The following TARS3 variants were observed in gnomAD, a reference collection of about 807,000 sequenced individuals.
TARS3 encodes threonine--tRNA ligase 2, cytoplasmic.
Under a neutral mutation model 103.5 loss-of-function variants are expected in TARS3, and 94 were observed. The ratio of observed to expected loss-of-function variants is 0.91; its 90% CI spans 0.77 to 1.08. The LOEUF (loss-of-function observed/expected upper bound fraction) is 1.08. Ranked by LOEUF, TARS3 falls within the 50% of genes least tolerant of loss-of-function variation. The pLI, the probability that TARS3 is intolerant of heterozygous loss-of-function variation, is 0.00. For missense variants in TARS3, 952 were observed against 995.2 expected (o/e 0.96, Z 0.58); for synonymous variants, 416 against 355.4 (o/e 1.17, Z -1.92).
chr15:101,704,984 G>A (rs1467743910), intron 7 of TARS3, among the ~76,000 whole-genome samples: 2 of 152,184 alleles, frequency 1.3e-5, no homozygotes, highest in East Asian at 3.9e-4. Context: ...GAGAATATCT[G>A]TGGTTATAAT....
chr15:101,721,377 C>T lies in TARS3; in HGVS notation c.370-55G>A. 5 of 1,388,618 alleles carry T rather than the reference C, an allele frequency of 3.6e-6. No homozygotes were observed. In the South Asian group the frequency reaches 6.5e-5, roughly 18 times the overall value. The allele number at this position is 1,388,618 out of a possible 1,614,324, so 86.0% of individuals were successfully genotyped here. On this transcript the variant is annotated intron_variant, in intron 2 of 18. Coordinates refer to ENST00000335968, the MANE Select transcript of TARS3 (RefSeq NM_152334.3). Reference sequence around the variant, plus strand: ...ATATATACAGCCTACTGTTTTCCAGCTGCTCAGCTCTGAATCAGGCTCACC... The same window carrying T: ...ATATATACAGCCTACTGTTTTCCAGTTGCTCAGCTCTGAATCAGGCTCACC...
rs970370564 is a variant in TARS3, at chr15:101,724,049, G to T, written c.297+42C>A. The T allele has an allele frequency of 3.0e-6, 4 of 1,327,960 alleles. No individual in the cohort carries two copies. The South Asian group carries it at 5.8e-5, about 19-fold the overall frequency. The allele number at this position is 1,327,960 out of a possible 1,614,324, so 82.3% of individuals were successfully genotyped here. ...CTTTCGGTGCGCACCGTCTCGGCCC[G>T]CCCCGCCCGCGTCCTCTCCAGTGTC... On this transcript the variant is annotated intron_variant, in intron 1 of 18. Transcript: ENST00000335968.
At chr15:101,683,266 C>T (rs944301440) in intron 12 of TARS3, among the ~76,000 whole-genome samples, 13 of 152,126 alleles carry the variant, frequency 8.5e-5, no homozygotes, top group African/African-American at 2.7e-4. Context: ...CCACTTAAAT[C>T]GCATCCTACA....
chr15:101,705,221 T>C (rs1899495738), intron 7 of TARS3, among the ~76,000 whole-genome samples: 1 of 152,252 alleles, frequency 6.6e-6, no homozygotes, highest in Non-Finnish European at 1.5e-5. Context: ...CCCAGTATTT[T>C]CTTTTGGTCT....
chr15:101,686,950 AAACAT>A (rs1389052414), intron 10 of TARS3, among the ~76,000 whole-genome samples: 2 of 152,036 alleles, frequency 1.3e-5, no homozygotes, highest in Non-Finnish European at 2.9e-5. Flanking sequence ...AAAAAACATA[AAACAT>A]AACATTTTAA....
intron 10 of TARS3, among the ~76,000 whole-genome samples, chr15:101,687,693 T>A (rs1305429378): frequency 6.6e-6 from 1 of 152,200 alleles, no homozygotes; most frequent in Non-Finnish European, 1.5e-5. Flanking sequence ...ATCCCTGCAA[T>A]GGACTGAATG....
intron 11 of TARS3, among the ~76,000 whole-genome samples, chr15:101,685,077 C>T (rs1377141912): frequency 1.3e-5 from 2 of 152,112 alleles, no homozygotes; most frequent in Non-Finnish European, 2.9e-5. Context: ...TACATGACAT[C>T]ATCATAAAGT....
intron 12 of TARS3, among the ~76,000 whole-genome samples, chr15:101,682,850 G>C (rs1333397923): frequency 6.6e-6 from 1 of 152,126 alleles, no homozygotes; most frequent in Admixed American, 6.5e-5. Context: ...ACTTCTTCTT[G>C]AGTAAAGTTT....
At chr15:101,710,581 A>G (rs1013208151) in intron 5 of TARS3, among the ~76,000 whole-genome samples, 2 of 152,216 alleles carry the variant, frequency 1.3e-5, no homozygotes, top group Non-Finnish European at 1.5e-5. Flanking sequence ...AGCACTGGCC[A>G]TTGATTTGGG....
intron 5 of TARS3, among the ~76,000 whole-genome samples, chr15:101,710,715 G>C (rs534430911): frequency 3.1e-4 from 47 of 152,334 alleles, no homozygotes; most frequent in Middle Eastern, 3.4e-3. Context: ...GTGCTCGGTT[G>C]GGGAGGTCAT....
chr15:101,682,222 A>G (rs377298988), intron 12 of TARS3, among the ~76,000 whole-genome samples: 2 of 152,196 alleles, frequency 1.3e-5, no homozygotes, highest in African/African-American at 4.8e-5. Context: ...AGAGTAAAGC[A>G]TTCAGACTCT....
chr15:101,695,706 C>T (rs1418793634), intron 10 of TARS3: 1 of 151,692 alleles, frequency 6.6e-6, no homozygotes, highest in African/African-American at 2.4e-5. Context: ...AGTTTGAGAC[C>T]AGCCTGACCA....
At chr15:101,669,149 A>G (rs1251901074) in intron 15 of TARS3, among the ~76,000 whole-genome samples, 2 of 152,174 alleles carry the variant, frequency 1.3e-5, no homozygotes, top group Non-Finnish European at 2.9e-5. Context: ...TGATATCGAT[A>G]ACCTTGGCCT....
intron 8 of TARS3, among the ~76,000 whole-genome samples, 169 bp downstream of exon 8, chr15:101,703,690 T>G (rs1034422213): frequency 6.6e-5 from 10 of 152,218 alleles, no homozygotes; most frequent in African/African-American, 2.4e-4. Flanking sequence ...AGTGTTCTAA[T>G]TATCAAAATT....
intron 12 of TARS3, among the ~76,000 whole-genome samples, chr15:101,676,802 CTT>C (rs76822080): frequency 5.5e-4 from 79 of 143,326 alleles, no homozygotes; most frequent in Admixed American, 7.7e-4. Flanking sequence ...CCACTACACC[CTT>C]TTTTTTTTTT....
rs562286183 is a variant in TARS3 at position 101,654,225 on chromosome 15, T to C, written c.*357A>G. On this transcript the variant is annotated 3_prime_UTR_variant, in exon 19 of 19. Coordinates refer to ENST00000335968, the MANE Select transcript of TARS3 (RefSeq NM_152334.3). ...TTAGAAAATAAGATTTTCCCTCCTATTTAAAAAAAACTCTGCAGACTTTTA... is the reference window on the plus strand; with the variant it reads ...TTAGAAAATAAGATTTTCCCTCCTACTTAAAAAAAACTCTGCAGACTTTTA... 1 of 178,002 alleles carries C rather than the reference T, an allele frequency of 5.6e-6. No homozygotes were observed. Among genetic ancestry groups the C allele is most frequent in the African/African-American group, 2.4e-5 (1 of 42,434 alleles). The allele number at this position is 178,002 out of a possible 1,614,324, so 11.0% of individuals were successfully genotyped here. A position where few individuals can be genotyped will look rare whatever the true frequency, so the allele number is the denominator to read the frequency against.
chr15:101,705,966 T>G (rs556504920), intron 6 of TARS3, among the ~76,000 whole-genome samples: 106 of 152,058 alleles, frequency 7.0e-4, no homozygotes, highest in East Asian at 4.1e-3. Flanking sequence ...AATTTGTGGT[T>G]GTTGTTGTTG....
At chr15:101,664,007 G>A (rs924474691) in intron 15 of TARS3, among the ~76,000 whole-genome samples, 32 of 152,086 alleles carry the variant, frequency 2.1e-4, no homozygotes, top group Non-Finnish European at 1.2e-4. Flanking sequence ...CTTTTTTAGG[G>A]AAAAACCCTT....
chr15:101,709,810 A>T (rs1463217630), intron 5 of TARS3, among the ~76,000 whole-genome samples: 1 of 152,270 alleles, frequency 6.6e-6, no homozygotes, highest in Non-Finnish European at 1.5e-5. Context: ...TGTTAACAAG[A>T]GATGAACGGG....
Sources: allele counts gnomAD v4.1 joint callset (sites outside exome capture counted in the v4.1 genomes callset), GRCh38; gene constraint gnomAD v4.1.1; transcripts MANE v1.5; gene names NCBI Gene and HGNC (gene_info 2026-07-23, HGNC 2026-07-21).